Variants in FNDC3B observed in about 807,000 individuals in gnomAD.
FNDC3B encodes the protein fibronectin type III domain-containing protein 3B.
FNDC3B carries 12 observed loss-of-function variants against 151.5 expected under a neutral mutation model. The ratio of observed to expected loss-of-function variants is 0.08; its 90% CI spans 0.05 to 0.13. FNDC3B has a LOEUF of 0.13. FNDC3B is among the 10% of genes least tolerant of loss of function. FNDC3B has a pLI of 1.00. For missense variants in FNDC3B, 1,214 were observed against 1,505.3 expected, an observed-to-expected ratio of 0.81 and a Z score of 3.20; for synonymous variants, 528 against 549.0, an observed-to-expected ratio of 0.96 and a Z score of 0.54.
chr3:172,069,564 G>A (rs908409582), intron 1 of FNDC3B, among the ~76,000 whole-genome samples: 1 of 152,110 alleles, frequency 6.6e-6, no homozygotes, highest in Non-Finnish European at 1.5e-5. Flanking sequence ...AGTTGTTTTT[G>A]CGTGCCTTTA....
At chr3:172,228,131 G>A (rs1047302832) in intron 4 of FNDC3B, among the ~76,000 whole-genome samples, 4 of 152,092 alleles carry the variant, frequency 2.6e-5, no homozygotes, top group African/African-American at 9.7e-5. Flanking sequence ...CAGATTGCTG[G>A]CCAGTTTTCC....
chr3:172,387,762 T>G (rs1290739475), intron 25 of FNDC3B, among the ~76,000 whole-genome samples: 1 of 152,176 alleles, frequency 6.6e-6, no homozygotes, highest in African/African-American at 2.4e-5. Flanking sequence ...GTCGGGTGTT[T>G]TACATTGTGA....
At position 172,366,627 on chromosome 3, in the gene FNDC3B, T is replaced by TTC. The variant is rs1734633337; in HGVS notation, c.3008+3782_3008+3783insTC. 2.0e-5 allele frequency among the ~76,000 whole-genome samples: 3 copies of TTC among 152,272 alleles called. No homozygotes were observed. The South Asian group carries it at 6.2e-4, about 32-fold the overall frequency. On this transcript the variant is annotated intron_variant, in intron 23 of 25. Transcript: ENST00000415807. ...CTTAAGGAACTCACAGTCTGGTGGG[T>TTC]AATGGTAGAACACAGATGCTTTAAA... is the stretch of plus-strand genomic sequence containing the variant.
chr3:172,093,216 A>C (rs1718926602), intron 1 of FNDC3B, among the ~76,000 whole-genome samples: 2 of 146,628 alleles, frequency 1.4e-5, no homozygotes, highest in African/African-American at 2.5e-5. Context: ...TGGGTCCTTG[A>C]CCTCCTGATC....
chr3:172,145,374 A>G (rs1279334387), intron 3 of FNDC3B, among the ~76,000 whole-genome samples: 1 of 152,168 alleles, frequency 6.6e-6, no homozygotes, highest in Non-Finnish European at 1.5e-5. Context: ...TGAAAATGTT[A>G]TTCTGTGTTA....
chr3:172,147,287 CAG>C (rs758539046), intron 3 of FNDC3B, among the ~76,000 whole-genome samples: 2 of 142,868 alleles, frequency 1.4e-5, no homozygotes, highest in South Asian at 2.2e-4. Context: ...AGCCTGGCGA[CAG>C]AGTGAGACCC....
intron 1 of FNDC3B, among the ~76,000 whole-genome samples, chr3:172,084,282 C>G (rs1718434073): frequency 6.6e-6 from 1 of 151,762 alleles, no homozygotes; most frequent in African/African-American, 2.4e-5. Context: ...AACCCTGTCT[C>G]TACAAAAAAA....
At chr3:172,057,244 T>C (rs1339266862) in intron 1 of FNDC3B, among the ~76,000 whole-genome samples, 1 of 152,210 alleles carries the variant, frequency 6.6e-6, no homozygotes, top group Non-Finnish European at 1.5e-5. Context: ...TCCCAAGCTC[T>C]GCCTTTCATC....
At chr3:172,090,956 T>C (rs58812088) in intron 1 of FNDC3B, among the ~76,000 whole-genome samples, 8,748 of 152,292 alleles carry the variant, frequency 0.057, 378 homozygotes, top group East Asian at 0.23. Flanking sequence ...TGATACTTTG[T>C]ATTATGTATA....
chr3:172,355,292 C>A (rs544647019), intron 22 of FNDC3B, among the ~76,000 whole-genome samples: 12 of 152,228 alleles, frequency 7.9e-5, no homozygotes, highest in African/African-American at 2.9e-4. Flanking sequence ...GCTTGAGCAT[C>A]TTCAGTGACA....
At chr3:172,335,814 A>G (rs189008644) in intron 15 of FNDC3B, 158 of 152,206 alleles carry the variant, frequency 1.0e-3, no homozygotes, top group African/African-American at 3.8e-3. Flanking sequence ...GCAAAAAAAA[A>G]GTTGAAATCT....
chr3:172,107,593 TAGTC>T (rs1719723297), intron 1 of FNDC3B, among the ~76,000 whole-genome samples: 1 of 152,168 alleles, frequency 6.6e-6, no homozygotes, highest in African/African-American at 2.4e-5. Context: ...AGATGAGTGT[TAGTC>T]AGGGTGGTTT....
intron 6 of FNDC3B, among the ~76,000 whole-genome samples, chr3:172,271,991 A>G (rs552614662): frequency 5.3e-5 from 8 of 152,336 alleles, no homozygotes; most frequent in South Asian, 2.1e-4. Context: ...TAGGAAACAC[A>G]TCGTAGCCCT....
intron 9 of FNDC3B, 92 bp from the exon 10 acceptor site, chr3:172,307,271 C>T (rs1040690379): frequency 1.1e-5 from 14 of 1,298,504 alleles, no homozygotes; most frequent in Non-Finnish European, 1.6e-5. Context: ...AAATTCTGTT[C>T]ATCTACAGAA....
intron 6 of FNDC3B, among the ~76,000 whole-genome samples, chr3:172,270,974 G>A (rs1253330981): frequency 3.3e-5 from 5 of 152,196 alleles, no homozygotes; most frequent in African/African-American, 1.2e-4. Flanking sequence ...GAAATGCCAG[G>A]TAAGAATTCT....
At chr3:172,304,609 G>A (rs544125414) in intron 9 of FNDC3B, among the ~76,000 whole-genome samples, 12 of 152,324 alleles carry the variant, frequency 7.9e-5, no homozygotes, top group African/African-American at 2.4e-4. Flanking sequence ...AAAGAGGGCC[G>A]AGTGAGGCCA....
intron 25 of FNDC3B, 81 bp from the exon 26 acceptor site, chr3:172,397,083 G>A: frequency 9.3e-7 from 1 of 1,070,780 alleles, no homozygotes. Context: ...AAGAGTGAAT[G>A]GAGTGAATCT....
At chr3:172,217,145 C>T (rs1476366105) in intron 3 of FNDC3B, among the ~76,000 whole-genome samples, 1 of 152,218 alleles carries the variant, frequency 6.6e-6, no homozygotes, top group African/African-American at 2.4e-5. Context: ...TGGCATCCTG[C>T]ACAAGGTCTG....
intron 3 of FNDC3B, among the ~76,000 whole-genome samples, chr3:172,179,263 T>C (rs1204871696): frequency 1.3e-5 from 2 of 152,000 alleles, no homozygotes; most frequent in East Asian, 3.9e-4. Flanking sequence ...GTTTTCACCA[T>C]GTTGGCCAGG....
Sources: gnomAD v4.1 joint callset for allele counts (sites outside exome capture counted in the v4.1 genomes callset) on GRCh38, gnomAD v4.1.1 for gene constraint, MANE v1.5 for transcripts, NCBI Gene and HGNC (gene_info 2026-07-23, HGNC 2026-07-21) for gene names.